HMGB1: variants seen among roughly 807,000 people sequenced by gnomAD.
The protein encoded by HMGB1 is high mobility group box 1.
For missense variants in HMGB1, 79 were observed against 253.5 expected (o/e 0.31, Z 4.67); for synonymous variants, 81 against 84.0 (o/e 0.96, Z 0.19).
At position 30,458,032 on chromosome 13, in the gene HMGB1, T is replaced by G. The variant is rs1886062730; in HGVS notation, c.*3325A>C. The G allele has an allele frequency of 6.6e-6, 1 of 152,190 alleles. No individual in the cohort carries two copies. The highest frequency in any genetic ancestry group is 2.4e-5 in the African/African-American group (1 of 41,454). 9.4% of individuals were successfully genotyped at this position (152,190 alleles called of 1,614,324 possible). On this transcript the variant is annotated 3_prime_UTR_variant, in exon 5 of 5. Transcript: ENST00000341423. ...TATCACACTCCCTAATAAAACAGCCTAATTACCAAAGGCTCACATTTTAGC... is the reference window on the plus strand; with the variant it reads ...TATCACACTCCCTAATAAAACAGCCGAATTACCAAAGGCTCACATTTTAGC...
intron 1 of HMGB1, among the ~76,000 whole-genome samples, chr13:30,581,434 C>T (rs747225906): frequency 5.9e-5 from 9 of 152,172 alleles, no homozygotes; most frequent in Non-Finnish European, 7.3e-5. Flanking sequence ...TATTAGAATA[C>T]GGTCATTTCC....
intron 1 of HMGB1, among the ~76,000 whole-genome samples, chr13:30,481,078 A>C (rs1221265298): frequency 6.6e-6 from 1 of 152,036 alleles, no homozygotes; most frequent in Non-Finnish European, 1.5e-5. Context: ...TTAAGAAATA[A>C]ATGTAAACTT....
chr13:30,461,748 G>A (rs1317043930), intron 4 of HMGB1: 4 of 1,263,910 alleles, frequency 3.2e-6, no homozygotes, highest in Non-Finnish European at 4.5e-6. Flanking sequence ...TCATGAAATG[G>A]CATAGTCTAA....
intron 1 of HMGB1, among the ~76,000 whole-genome samples, chr13:30,572,222 C>T (rs1870466651): frequency 6.6e-6 from 1 of 152,154 alleles, no homozygotes; most frequent in Non-Finnish European, 1.5e-5. Flanking sequence ...TAGGAAATAC[C>T]TTTCTTCCCC....
intron 1 of HMGB1, among the ~76,000 whole-genome samples, chr13:30,534,664 C>A (rs115019800): frequency 6.7e-6 from 1 of 149,598 alleles, no homozygotes; most frequent in Non-Finnish European, 1.5e-5. Flanking sequence ...TTGCAACCTC[C>A]GCCTCCAGGT....
At chr13:30,563,828 A>G (rs1437555295) in intron 1 of HMGB1, among the ~76,000 whole-genome samples, 1 of 152,170 alleles carries the variant, frequency 6.6e-6, no homozygotes, top group Non-Finnish European at 1.5e-5. Context: ...CCTCATTGCT[A>G]ATGAAGATGT....
chr13:30,547,677 G>A (rs959473535), intron 1 of HMGB1, among the ~76,000 whole-genome samples: 2 of 152,038 alleles, frequency 1.3e-5, no homozygotes, highest in Non-Finnish European at 2.9e-5. Flanking sequence ...CTCACTTTGG[G>A]AGGCCAAGGC....
intron 1 of HMGB1, among the ~76,000 whole-genome samples, chr13:30,475,563 G>GCGC (rs1887076591): frequency 6.6e-6 from 1 of 151,466 alleles, no homozygotes; most frequent in Non-Finnish European, 1.5e-5. Context: ...TGTGGTGGTG[G>GCGC]CGCTCACCTG....
At chr13:30,519,503 G>A (rs1203691410) in intron 1 of HMGB1, among the ~76,000 whole-genome samples, 1 of 150,656 alleles carries the variant, frequency 6.6e-6, no homozygotes, top group Non-Finnish European at 1.5e-5. Flanking sequence ...AGACCATCCC[G>A]GCTAACACAG....
intron 1 of HMGB1, among the ~76,000 whole-genome samples, chr13:30,539,212 T>G (rs1472714249): frequency 6.6e-6 from 1 of 152,220 alleles, no homozygotes; most frequent in Non-Finnish European, 1.5e-5. Flanking sequence ...AGAAGTTTTT[T>G]ACTGAAGATC....
intron 1 of HMGB1, among the ~76,000 whole-genome samples, chr13:30,603,147 CA>C (rs1421476454): frequency 6.6e-6 from 1 of 152,162 alleles, no homozygotes; most frequent in Non-Finnish European, 1.5e-5. Context: ...TTCTCTCTGG[CA>C]AATTGTTTAG....
At chr13:30,553,719 C>T (rs755823404) in intron 1 of HMGB1, 8 of 1,139,812 alleles carry the variant, frequency 7.0e-6, no homozygotes, top group South Asian at 2.5e-5. Context: ...TGCTCAGCAT[C>T]GCTGGCAGCT....
chr13:30,488,433 A>C (rs1335303705), intron 1 of HMGB1, among the ~76,000 whole-genome samples: 2 of 152,160 alleles, frequency 1.3e-5, no homozygotes, highest in Non-Finnish European at 2.9e-5. Context: ...GATTCAAAGT[A>C]GTAAACAGAC....
At chr13:30,497,798 T>C (rs1490601375) in intron 1 of HMGB1, among the ~76,000 whole-genome samples, 1 of 152,226 alleles carries the variant, frequency 6.6e-6, no homozygotes, top group Non-Finnish European at 1.5e-5. Flanking sequence ...TTCTTTTTTA[T>C]GGCTGGGTAG....
chr13:30,614,689 T>C (rs1262202077), intron 1 of HMGB1, among the ~76,000 whole-genome samples: 1 of 151,968 alleles, frequency 6.6e-6, no homozygotes, highest in Admixed American at 6.6e-5. Flanking sequence ...CATTACGAGT[T>C]GTCATGTTTT....
chr13:30,504,682 C>A (rs997797233), intron 1 of HMGB1, among the ~76,000 whole-genome samples: 29 of 152,094 alleles, frequency 1.9e-4, no homozygotes, highest in Admixed American at 9.8e-4. Flanking sequence ...CTAGGATTAT[C>A]CTTACAGATG....
At chr13:30,549,144 A>C in intron 1 of HMGB1, among the ~76,000 whole-genome samples, 1 of 152,070 alleles carries the variant, frequency 6.6e-6, no homozygotes, top group Admixed American at 6.6e-5. Context: ...AAAAAATAAG[A>C]AAAATAGCTG....
chr13:30,610,809 T>C (rs1434879180), intron 1 of HMGB1, among the ~76,000 whole-genome samples: 2 of 151,558 alleles, frequency 1.3e-5, no homozygotes, highest in Non-Finnish European at 2.9e-5. Context: ...AAAAATAAAC[T>C]TACAAAATCA....
chr13:30,464,598 A>AT, intron 1 of HMGB1: 1 of 980,320 alleles, frequency 1.0e-6, no homozygotes, highest in Non-Finnish European at 1.2e-6. Flanking sequence ...CGCCGCCCCC[A>AT]TTTTGTCAGG....
Sources: gnomAD v4.1 joint callset for allele counts (sites outside exome capture counted in the v4.1 genomes callset) on GRCh38, gnomAD v4.1.1 for gene constraint, MANE v1.5 for transcripts, NCBI Gene and HGNC (gene_info 2026-07-23, HGNC 2026-07-21) for gene names.